Variants in B4GALT1 observed in about 807,000 individuals in gnomAD.
B4GALT1 encodes beta-1,4-galactosyltransferase 1.
A neutral mutation model predicts 34.9 loss-of-function variants in B4GALT1; 16 were observed. That is an observed-to-expected ratio of 0.46 (90% CI 0.31 to 0.70). The LOEUF is 0.70. B4GALT1 is among the 30% of genes least tolerant of loss of function. B4GALT1 has a pLI of 0.05. For synonymous variants in B4GALT1, 221 were observed against 218.1 expected (o/e 1.01, Z -0.12); for missense variants, 445 against 530.5 (o/e 0.84, Z 1.58).
intron 1 of B4GALT1, among the ~76,000 whole-genome samples, chr9:33,144,489 T>C (rs1024858602): frequency 2.0e-5 from 3 of 152,142 alleles, no homozygotes; most frequent in Non-Finnish European, 4.4e-5. Flanking sequence ...CCACCCACCT[T>C]GGCCTCCCAA....
At position 33,165,488 on chromosome 9, in the gene B4GALT1, TA is replaced by T. The variant is rs376413051; in HGVS notation, c.412+1269del. On this transcript the variant is annotated intron_variant, in intron 1 of 5. Coordinates refer to ENST00000379731, the MANE Select transcript of B4GALT1 (RefSeq NM_001497.4). ...ATGCAAAGGAATTTAATTATCTGCT[TA>T]AAAAAACAAGCCCCCATTATTACCA... Among the ~76,000 whole-genome samples the T allele has an allele frequency of 2.6e-3, 389 of 152,204 alleles. 1 individual carries two copies. The highest frequency in any genetic ancestry group is 8.4e-3 in the African/African-American group (349 of 41,510).
chr9:33,142,450 A>C (rs1840366022), intron 1 of B4GALT1, among the ~76,000 whole-genome samples: 1 of 152,208 alleles, frequency 6.6e-6, no homozygotes, highest in African/African-American at 2.4e-5. Flanking sequence ...ATGTCAAAAC[A>C]TACAACTCAG....
At chr9:33,156,062 A>G (rs13284257) in intron 1 of B4GALT1, among the ~76,000 whole-genome samples, 2 of 152,034 alleles carry the variant, frequency 1.3e-5, no homozygotes, top group South Asian at 2.1e-4. Context: ...TGACATAGCT[A>G]TAAGGTGAAG....
intron 1 of B4GALT1, among the ~76,000 whole-genome samples, chr9:33,136,026 G>A (rs1271900602): frequency 2.0e-5 from 3 of 151,922 alleles, no homozygotes; most frequent in Non-Finnish European, 4.4e-5. Flanking sequence ...GTCCCAGGAA[G>A]GGACTCGATG....
intron 2 of B4GALT1, among the ~76,000 whole-genome samples, chr9:33,125,142 CTG>C (rs1840072783): frequency 6.6e-6 from 1 of 152,162 alleles, no homozygotes; most frequent in African/African-American, 2.4e-5. Context: ...TGAGCAGAGA[CTG>C]CCACAAGATG....
chr9:33,117,323 T>G (rs1839955317), intron 3 of B4GALT1, among the ~76,000 whole-genome samples: 1 of 152,268 alleles, frequency 6.6e-6, no homozygotes, highest in Non-Finnish European at 1.5e-5. Context: ...GATGAACTTA[T>G]GTTTTAACAT....
rs199541947 is a variant in B4GALT1, at chr9:33,157,121, T to TACACACACACACACACACACACACAC, written c.412+9611_412+9636dup. On this transcript the variant is annotated intron_variant, in intron 1 of 5. Coordinates refer to ENST00000379731, the MANE Select transcript of B4GALT1 (RefSeq NM_001497.4). ...ACACACGGTGTCCAGCATAGGGAAC[T>TACACACACACACACACACACACACAC]ACACACACACACACACACACACACA... Among the ~76,000 whole-genome samples, 11 of 113,254 alleles carry TACACACACACACACACACACACACAC rather than the reference T, an allele frequency of 9.7e-5. 1 individual carries two copies. The highest frequency in any genetic ancestry group is 2.8e-4 in the African/African-American group (7 of 24,622). 74.3% of individuals were successfully genotyped at this position (113,254 alleles called of 152,430 possible). A position where few individuals can be genotyped will look rare whatever the true frequency, so the allele number is the denominator to read the frequency against.
intron 1 of B4GALT1, among the ~76,000 whole-genome samples, chr9:33,163,048 T>TCCAC (rs536909692): frequency 1.5e-3 from 224 of 152,164 alleles, no homozygotes; most frequent in South Asian, 5.0e-3. Flanking sequence ...AGGATGAAGC[T>TCCAC]CCACCCCAAG....
chr9:33,153,111 GAAACAT>G (rs1361181319), intron 1 of B4GALT1, among the ~76,000 whole-genome samples: 1 of 152,034 alleles, frequency 6.6e-6, no homozygotes, highest in African/African-American at 2.4e-5. Context: ...AGTAATCAGA[GAAACAT>G]ATTAAAACAA....
Position 33,113,727 on chromosome 9 carries a change from T to C in B4GALT1, c.1064+47A>G, listed in dbSNP as rs1242702113. On this transcript the variant is annotated intron_variant, in intron 5 of 5. Coordinates refer to ENST00000379731, the MANE Select transcript of B4GALT1 (RefSeq NM_001497.4). ...GGCCCAGAGCCTCGGACCTGCAGCC[T>C]ACCTCATCCTAAAGGGGGAAGGAGT... The C allele has an allele frequency of 2.5e-6, 4 of 1,611,156 alleles. 1 individual carries two copies. Among genetic ancestry groups the C allele is most frequent in the Admixed American group, 3.3e-5 (2 of 60,020 alleles).
chr9:33,126,921 G>A (rs1029285036), intron 2 of B4GALT1, among the ~76,000 whole-genome samples: 3 of 152,112 alleles, frequency 2.0e-5, no homozygotes, highest in African/African-American at 7.2e-5. Flanking sequence ...TGGGTGAAGT[G>A]AGCACAGAAG....
At chr9:33,167,978 T>G (rs1840797318), upstream of B4GALT1, among the ~76,000 whole-genome samples, 1 of 152,168 alleles carries the variant, frequency 6.6e-6, no homozygotes, top group African/African-American at 2.4e-5. Flanking sequence ...GCCTGGGCTA[T>G]AAGGGGCTCT....
In B4GALT1 at chr9:33,145,192, A is replaced by AC. The variant is rs922449259; in HGVS notation, c.413-9769dup. On this transcript the variant is annotated intron_variant, in intron 1 of 5. Coordinates refer to ENST00000379731, the MANE Select transcript of B4GALT1 (RefSeq NM_001497.4). ...ACCTGATTCATGAGCTACAGCCACC[A>AC]CCCCCCAACCCCTCCAGCACCCCAT... is the stretch of plus-strand genomic sequence containing the variant. 1.0e-3 allele frequency among the ~76,000 whole-genome samples: 155 copies of AC among 151,270 alleles called. 1 individual carries two copies. Among genetic ancestry groups the AC allele is most frequent in the Admixed American group, 2.0e-4 (3 of 15,218 alleles).
At chr9:33,132,959 G>GTGGCATGA (rs1478915590) in intron 2 of B4GALT1, among the ~76,000 whole-genome samples, 1 of 152,110 alleles carries the variant, frequency 6.6e-6, no homozygotes, top group African/African-American at 2.4e-5. Context: ...CTGGAGTGCA[G>GTGGCATGA]TGGCATGATC....
chr9:33,168,273 G>A (rs1840802124), upstream of B4GALT1, among the ~76,000 whole-genome samples: 2 of 152,226 alleles, frequency 1.3e-5, no homozygotes, highest in Non-Finnish European at 2.9e-5. Flanking sequence ...TGATTTGCAA[G>A]TAAGGGCTGA....
chr9:33,141,019 C>A (rs970018026), intron 1 of B4GALT1, among the ~76,000 whole-genome samples: 8 of 152,224 alleles, frequency 5.3e-5, no homozygotes, highest in Admixed American at 6.5e-5. Context: ...GCTCAAACAC[C>A]ACCCTCCCAG....
intron 1 of B4GALT1, among the ~76,000 whole-genome samples, chr9:33,139,014 T>A (rs1840310011): frequency 6.6e-6 from 1 of 152,138 alleles, no homozygotes; most frequent in African/African-American, 2.4e-5. Flanking sequence ...ATGCCGGGGC[T>A]GTCCACAGCA....
At chr9:33,141,448 TGA>T (rs1840348062) in intron 1 of B4GALT1, among the ~76,000 whole-genome samples, 1 of 151,548 alleles carries the variant, frequency 6.6e-6, no homozygotes, top group African/African-American at 2.4e-5. Flanking sequence ...ACCTGGGAGG[TGA>T]AGGTTGCAGT....
chr9:33,172,634 A>G, the B4GALT1 span, among the ~76,000 whole-genome samples: 1 of 152,286 alleles, frequency 6.6e-6, no homozygotes, highest in Admixed American at 6.5e-5. Flanking sequence ...CCTCAGGTTC[A>G]GGGATGGGAG....
Sources: allele counts gnomAD v4.1 joint callset (sites outside exome capture counted in the v4.1 genomes callset), GRCh38; gene constraint gnomAD v4.1.1; transcripts MANE v1.5; gene names NCBI Gene and HGNC (gene_info 2026-07-23, HGNC 2026-07-21).